CFAP161: variants seen among roughly 807,000 people sequenced by gnomAD.
CFAP161 encodes cilia- and flagella-associated protein 161.
CFAP161 carries 25 observed loss-of-function variants against 29.0 expected under a neutral mutation model. The ratio of observed to expected loss-of-function variants is 0.86; its 90% CI spans 0.63 to 1.20. The LOEUF (loss-of-function observed/expected upper bound fraction) is 1.20. Ranked by LOEUF, CFAP161 falls within the 50% of genes most tolerant of loss-of-function variation. CFAP161 has a pLI of 0.00. For synonymous variants in CFAP161, 116 were observed against 137.4 expected (o/e 0.84, Z 1.09); for missense variants, 367 against 371.9 (o/e 0.99, Z 0.11).
At chr15:81,124,518 T>C (rs1452481582) in intron 1 of CFAP161, among the ~76,000 whole-genome samples, 1 of 152,200 alleles carries the variant, frequency 6.6e-6, no homozygotes, top group Non-Finnish European at 1.5e-5. Flanking sequence ...AGGATGATGC[T>C]GGCCTCATAG....
At chr15:81,128,968 A>T (rs186177055) in intron 2 of CFAP161, among the ~76,000 whole-genome samples, 2,273 of 152,150 alleles carry the variant, frequency 0.015, 34 homozygotes, top group Non-Finnish European at 0.021. Flanking sequence ...AAAAAAAAAA[A>T]AAGCATTTCT....
At chr15:81,115,587 C>G (rs761873850) in intron 1 of CFAP161, among the ~76,000 whole-genome samples, 1 of 152,076 alleles carries the variant, frequency 6.6e-6, no homozygotes, top group Non-Finnish European at 1.5e-5. Flanking sequence ...AATAACAGAT[C>G]CAAAGTTTAA....
At chr15:81,105,836 GTGTT>G (rs1168444619) in intron 1 of CFAP161, among the ~76,000 whole-genome samples, 4 of 152,202 alleles carry the variant, frequency 2.6e-5, no homozygotes, top group Non-Finnish European at 4.4e-5. Flanking sequence ...GATAATATGA[GTGTT>G]TGTACTGTAC....
At chr15:81,141,297 GC>G (rs1336486784) in intron 4 of CFAP161, among the ~76,000 whole-genome samples, 3 of 152,114 alleles carry the variant, frequency 2.0e-5, no homozygotes, top group African/African-American at 7.2e-5. Flanking sequence ...ATTTTCAGAT[GC>G]TATTGTAGAG....
upstream of CFAP161, among the ~76,000 whole-genome samples, chr15:81,133,198 TATATATATATATATATATATATATATGTA>T (rs1163082141): frequency 2.0e-4 from 11 of 55,528 alleles, no homozygotes; most frequent in Admixed American, 3.6e-4. Context: ...TATATATATA[TATATATATATATATATATATATATATGTA>T]TTTTTTTTTA....
At chr15:81,135,056 T>C (rs913214793) in intron 1 of CFAP161, among the ~76,000 whole-genome samples, 2 of 152,206 alleles carry the variant, frequency 1.3e-5, no homozygotes, top group Admixed American at 6.5e-5. Context: ...ATGTTTCTTT[T>C]TCTTTGTTTT....
intron 5 of CFAP161, among the ~76,000 whole-genome samples, chr15:81,144,124 T>C (rs1894965562): frequency 6.6e-6 from 1 of 152,214 alleles, no homozygotes. Flanking sequence ...CATGGCAGCA[T>C]CCTGCACTAG....
chr15:81,121,311 C>T (rs2136455), intron 1 of CFAP161, among the ~76,000 whole-genome samples: 86,524 of 151,840 alleles, frequency 0.57, 25,937 homozygotes, highest in Non-Finnish European at 0.68. Context: ...TTTTCATGTT[C>T]TTTACCAAAA....
In CFAP161 at chr15:81,127,665, G is replaced by A. The variant is rs376903941; in HGVS notation, c.-66G>A. 7.2e-5 allele frequency: 11 copies of A among 152,198 alleles called. 1 individual carries two copies. The highest frequency in any genetic ancestry group is 2.6e-4 in the African/African-American group (11 of 41,534). 9.4% of individuals were successfully genotyped at this position (152,198 alleles called of 1,614,324 possible). ...AAAGAAGAGGAGGGGCTCAACCTGA[G>A]AGAAAACTCACCAGGGCAGAAAAGA... On this transcript the variant is annotated 5_prime_UTR_variant, in exon 2 of 5. Coordinates refer to the CFAP161 transcript ENST00000560091.
intron 1 of CFAP161, among the ~76,000 whole-genome samples, chr15:81,120,715 C>T (rs2663927): frequency 0.52 from 79,344 of 152,068 alleles, 23,245 homozygotes; most frequent in Non-Finnish European, 0.68. Context: ...AAGGCAATGA[C>T]GTATGTCCTA....
chr15:81,145,154 A>G (rs1276081470), intron 5 of CFAP161, among the ~76,000 whole-genome samples: 1 of 152,230 alleles, frequency 6.6e-6, no homozygotes, highest in Non-Finnish European at 1.5e-5. Context: ...GTTGCAGGCC[A>G]CTGAGTCCAC....
At chr15:81,128,123 G>A (rs1230971020) in intron 2 of CFAP161, among the ~76,000 whole-genome samples, 3 of 152,130 alleles carry the variant, frequency 2.0e-5, no homozygotes, top group Non-Finnish European at 4.4e-5. Context: ...GGTTTTTGTA[G>A]AATCTTTTCG....
chr15:81,140,004 T>G (rs1391853656), intron 4 of CFAP161, among the ~76,000 whole-genome samples: 1 of 152,116 alleles, frequency 6.6e-6, no homozygotes, highest in Non-Finnish European at 1.5e-5. Flanking sequence ...CTCCTATATT[T>G]TAAGTTTGTT....
At chr15:81,099,408 A>C (rs998244726) in intron 1 of CFAP161, 1 of 152,346 alleles carries the variant, frequency 6.6e-6, no homozygotes, top group East Asian at 1.9e-4. Context: ...ACCCGCTCTC[A>C]TTCATGTGTC....
intron 4 of CFAP161, among the ~76,000 whole-genome samples, chr15:81,139,040 G>A (rs551895913): frequency 4.8e-4 from 73 of 152,244 alleles, no homozygotes; most frequent in African/African-American, 1.7e-3. Flanking sequence ...AGCGGCTCAT[G>A]CCTGTAATCT....
intron 4 of CFAP161, among the ~76,000 whole-genome samples, chr15:81,139,490 T>C (rs1243867208): frequency 6.6e-6 from 1 of 152,180 alleles, no homozygotes; most frequent in Non-Finnish European, 1.5e-5. Flanking sequence ...TGTGTATTTT[T>C]TTAAAACTTA....
At chr15:81,138,996 C>A (rs1043306486) in intron 4 of CFAP161, among the ~76,000 whole-genome samples, 5 of 152,014 alleles carry the variant, frequency 3.3e-5, no homozygotes, top group Non-Finnish European at 7.4e-5. Context: ...ATTTTTGATA[C>A]CACTAAGAAA....
intron 1 of CFAP161, among the ~76,000 whole-genome samples, chr15:81,108,193 GCTTCCAAAC>G (rs1383079012): frequency 2.0e-5 from 3 of 152,086 alleles, no homozygotes; most frequent in Non-Finnish European, 4.4e-5. Flanking sequence ...TAATTGCATT[GCTTCCAAAC>G]CTTTTATAAT....
At chr15:81,140,204 A>G (rs1409489000) in intron 4 of CFAP161, among the ~76,000 whole-genome samples, 1 of 152,198 alleles carries the variant, frequency 6.6e-6, no homozygotes, top group Non-Finnish European at 1.5e-5. Context: ...TAGTTGTTCT[A>G]ATATTATATT....
Sources: gnomAD v4.1 joint callset for allele counts (sites outside exome capture counted in the v4.1 genomes callset) on GRCh38, gnomAD v4.1.1 for gene constraint, MANE v1.5 for transcripts, NCBI Gene and HGNC (gene_info 2026-07-23, HGNC 2026-07-21) for gene names.